SRL: variants seen among roughly 807,000 people sequenced by gnomAD.
The protein encoded by SRL is sarcalumenin.
A neutral mutation model predicts 39.5 loss-of-function variants in SRL; 23 were observed. The ratio of observed to expected loss-of-function variants is 0.58; its 90% CI spans 0.42 to 0.82. The LOEUF is 0.82. SRL is among the 40% of genes least tolerant of loss of function. The probability of loss-of-function intolerance (pLI) is 0.00; values close to 1 mark genes in which losing one functional copy is unlikely to be tolerated. For synonymous variants in SRL, 272 were observed against 237.4 expected (o/e 1.15, Z -1.34); for missense variants, 592 against 607.8 (o/e 0.97, Z 0.27).
At chr16:4,209,879 C>T (rs1362674645) in intron 1 of SRL, among the ~76,000 whole-genome samples, 1 of 152,132 alleles carries the variant, frequency 6.6e-6, no homozygotes, top group African/African-American at 2.4e-5. Context: ...TAATGGGTGA[C>T]CGGAACCCAG....
At position 4,192,061 on chromosome 16, in the gene SRL, A is replaced by G; in HGVS notation, c.*92T>C. The G allele has an allele frequency of 7.4e-7, 1 of 1,344,018 alleles. No homozygotes were observed. Among genetic ancestry groups the G allele is most frequent in the Non-Finnish European group, 1.0e-6 (1 of 979,040 alleles). 83.3% of individuals were successfully genotyped at this position (1,344,018 alleles called of 1,614,324 possible). ...TCTCCACTGTGTAATAATTCCTGCC[A>G]GTGTGGCTCAAAGGGTTAATAAACC... On this transcript the variant is annotated 3_prime_UTR_variant, in exon 6 of 6. Coordinates refer to ENST00000399609, the MANE Select transcript of SRL (RefSeq NM_001098814.2). The surrounding 1 kb of genome is among the most constrained non-coding windows in gnomAD (Gnocchi z 4.0).
At chr16:4,226,184 G>A (rs1196098846) in intron 1 of SRL, among the ~76,000 whole-genome samples, 2 of 152,068 alleles carry the variant, frequency 1.3e-5, no homozygotes, top group South Asian at 2.1e-4. Flanking sequence ...TTTCTCCATC[G>A]CATCTACCAC....
intron 1 of SRL, among the ~76,000 whole-genome samples, chr16:4,222,218 G>C (rs535490148): frequency 9.9e-5 from 15 of 152,220 alleles, no homozygotes; most frequent in African/African-American, 2.9e-4. Context: ...AGTCGTCCCC[G>C]ACCCCTCCTC....
intron 1 of SRL, among the ~76,000 whole-genome samples, chr16:4,234,167 GT>G (rs1331000871): frequency 2.0e-5 from 3 of 152,058 alleles, no homozygotes; most frequent in African/African-American, 4.8e-5. Flanking sequence ...TATTTTTAAA[GT>G]TTTTTTGTAG....
chr16:4,234,011 T>A (rs1052151539), intron 1 of SRL, among the ~76,000 whole-genome samples: 1 of 152,126 alleles, frequency 6.6e-6, no homozygotes, highest in African/African-American at 2.4e-5. Context: ...CTCTTTTTTT[T>A]AAATATGGGG....
intron 1 of SRL, among the ~76,000 whole-genome samples, chr16:4,210,687 T>C (rs536316432): frequency 6.6e-6 from 1 of 152,238 alleles, no homozygotes; most frequent in Non-Finnish European, 1.5e-5. Flanking sequence ...TTCACCATGT[T>C]GGCTAGGCTG....
intron 1 of SRL, among the ~76,000 whole-genome samples, chr16:4,223,951 G>A (rs190905558): frequency 6.6e-6 from 1 of 152,264 alleles, no homozygotes; most frequent in East Asian, 1.9e-4. Context: ...ATCATGGGTG[G>A]GGGCATAGCT....
At position 4,241,124 on chromosome 16, in the gene SRL, A is replaced by C. The variant is rs577119880; in HGVS notation, c.61+883T>G. Among the ~76,000 whole-genome samples, 7 of 152,246 alleles carry C rather than the reference A, an allele frequency of 4.6e-5. No homozygotes were observed. The East Asian group carries it at 1.4e-3, about 29-fold the overall frequency. ...TAGGCTCAGAGCCCAGCTTGGGGGA[A>C]GACTGCCGAGTCATGAAAAGACTCG... is the stretch of plus-strand genomic sequence containing the variant. On this transcript the variant is annotated intron_variant, in intron 1 of 5. Coordinates refer to ENST00000399609, the MANE Select transcript of SRL (RefSeq NM_001098814.2).
rs142411958 is a variant in SRL at position 4,198,762 on chromosome 16, C to G, written c.260-847G>C. Among the ~76,000 whole-genome samples the G allele has an allele frequency of 6.5e-3, 985 of 152,268 alleles. 2 individuals carry two copies. The highest frequency in any genetic ancestry group is 9.7e-3 in the Non-Finnish European group (660 of 68,016). ...GCACTTACCCTCTTCTAGGGCCACT[C>G]TCAAACACTAGCCTCTAAAGTCCAT... On this transcript the variant is annotated intron_variant, in intron 3 of 5. Coordinates refer to ENST00000399609, the MANE Select transcript of SRL (RefSeq NM_001098814.2).
chr16:4,198,020 G>C (rs968614167), intron 3 of SRL, 105 bp from the exon 4 acceptor site: 1 of 790,696 alleles, frequency 1.3e-6, no homozygotes, highest in Non-Finnish European at 2.2e-6. Flanking sequence ...ACTGAGTTGT[G>C]GAATTCTCCA....
chr16:4,198,350 C>A (rs541129569), intron 3 of SRL, among the ~76,000 whole-genome samples: 1 of 152,300 alleles, frequency 6.6e-6, no homozygotes, highest in African/African-American at 2.4e-5. Flanking sequence ...CAGACCCTTC[C>A]TGTCTCCAGC....
In SRL at chr16:4,221,053, A is replaced by T. The variant is rs372783155; in HGVS notation, c.62-16419T>A. 3.9e-4 allele frequency among the ~76,000 whole-genome samples: 56 copies of T among 145,392 alleles called. 1 individual carries two copies. Among genetic ancestry groups the T allele is most frequent in the African/African-American group, 1.3e-3 (52 of 39,456 alleles). On this transcript the variant is annotated intron_variant, in intron 1 of 5. Transcript: ENST00000399609. ...GCCTGGGACCATGGGCTATTCCATT[A>T]TTTTTTTTTTTTCGATACGGAGTCT...
Position 4,206,745 on chromosome 16 carries a change from G to C in SRL, c.62-2111C>G, listed in dbSNP as rs1343784392. The C allele has an allele frequency of 1.2e-5, 5 of 410,084 alleles. No individual in the cohort carries two copies. The Admixed American group carries it at 1.3e-4, about 10-fold the overall frequency. The allele number at this position is 410,084 out of a possible 1,614,324, so 25.4% of individuals were successfully genotyped here. On this transcript the variant is annotated intron_variant, in intron 1 of 5. Transcript: ENST00000399609. ...TTCCTACCCTGGGCAACAATGATGG[G>C]ACTCTCCCTCCCCCTGATGTCCCTC...
chr16:4,238,732 C>T (rs1033850248), intron 1 of SRL, among the ~76,000 whole-genome samples: 1 of 151,732 alleles, frequency 6.6e-6, no homozygotes, highest in African/African-American at 2.4e-5. Flanking sequence ...ATGTGATCCT[C>T]CCCCCTCGGC....
rs370957527 is a variant in SRL at position 4,226,041 on chromosome 16, C to T, written c.61+15966G>A. The stretch of plus-strand genomic sequence containing the variant: ...AGAATGTTCATGCTTCCCAGACAAC[C>T]GTCTGTCTGACTCACTCCTTCCTCT... On this transcript the variant is annotated intron_variant, in intron 1 of 5. Transcript: ENST00000399609. Among the ~76,000 whole-genome samples the T allele has an allele frequency of 2.6e-5, 4 of 152,228 alleles. No homozygotes were observed. In the South Asian group the frequency reaches 6.2e-4, roughly 24 times the overall value.
At chr16:4,231,213 G>A (rs1055861013) in intron 1 of SRL, among the ~76,000 whole-genome samples, 2 of 152,180 alleles carry the variant, frequency 1.3e-5, no homozygotes, top group Admixed American at 1.3e-4. Flanking sequence ...CTACTTGGGA[G>A]GCTGTGGTGG....
rs775439346 is a variant in SRL, at chr16:4,193,067, G to C, written c.611-103C>G. 5 of 1,011,128 alleles carry C rather than the reference G, an allele frequency of 4.9e-6. No homozygotes were observed. In the South Asian group the frequency reaches 8.3e-5, roughly 17 times the overall value. The allele number at this position is 1,011,128 out of a possible 1,614,324, so 62.6% of individuals were successfully genotyped here. A position where few individuals can be genotyped will look rare whatever the true frequency, so the allele number is the denominator to read the frequency against. The stretch of plus-strand genomic sequence containing the variant: ...ATTCTGGGGGTTGAAAGAAGGAACA[G>C]CGCTACGGATTTTCTGGGTTTCTAC... On this transcript the variant is annotated intron_variant, in intron 5 of 5. Coordinates refer to ENST00000399609, the MANE Select transcript of SRL (RefSeq NM_001098814.2).
intron 1 of SRL, among the ~76,000 whole-genome samples, chr16:4,214,367 C>G (rs1313321657): frequency 6.6e-6 from 1 of 152,214 alleles, no homozygotes; most frequent in Middle Eastern, 3.2e-3. Flanking sequence ...AAGTAAAATA[C>G]CTCTGACCAT....
rs142664650 is a variant in SRL at position 4,228,461 on chromosome 16, C to T, written c.61+13546G>A. Among the ~76,000 whole-genome samples, 235 of 150,438 alleles carry T rather than the reference C, an allele frequency of 1.6e-3. 3 individuals are homozygous for T. In the East Asian group the frequency reaches 0.043, roughly 27 times the overall value. On this transcript the variant is annotated intron_variant, in intron 1 of 5. Transcript: ENST00000399609. ...GAAACAAACAAACAAAAAGGCTGGA[C>T]GCAGTGGCTCACACCTACAATCCCA... is the stretch of plus-strand genomic sequence containing the variant.
Sources: gnomAD v4.1 joint callset for allele counts (sites outside exome capture counted in the v4.1 genomes callset) on GRCh38, gnomAD v4.1.1 for gene constraint, Gnocchi (gnomAD v3.1) non-coding constraint, MANE v1.5 for transcripts, NCBI Gene and HGNC (gene_info 2026-07-23, HGNC 2026-07-21) for gene names.